The following HRH1 variants were observed in gnomAD, a reference collection of about 807,000 sequenced individuals.
The protein encoded by HRH1 is histamine receptor H1.
In HRH1, 6 loss-of-function variants were observed where a neutral mutation model predicts 10.3. The ratio of observed to expected loss-of-function variants is 0.58; its 90% CI spans 0.32 to 1.15. HRH1 has a LOEUF of 1.15. Among genes scored for constraint, HRH1 ranks in the 50% most tolerant of loss-of-function variants. The pLI is 0.05. For missense variants in HRH1, 514 were observed against 615.3 expected (o/e 0.84, Z 1.74); for synonymous variants, 242 against 236.7 (o/e 1.02, Z -0.21).
chr3:11,192,890 C>T (rs1158208345), intron 1 of HRH1, among the ~76,000 whole-genome samples: 1 of 152,128 alleles, frequency 6.6e-6, no homozygotes, highest in Non-Finnish European at 1.5e-5. Context: ...TTGGGTTCAT[C>T]TCTCCCAGGG....
intron 1 of HRH1, among the ~76,000 whole-genome samples, chr3:11,238,696 C>A (rs147081087): frequency 1.3e-5 from 2 of 152,172 alleles, no homozygotes; most frequent in Non-Finnish European, 2.9e-5. Flanking sequence ...TCCTGTCCCC[C>A]CCTCCACTAC....
intron 1 of HRH1, among the ~76,000 whole-genome samples, chr3:11,200,807 G>A (rs1937874913): frequency 6.6e-6 from 1 of 152,128 alleles, no homozygotes; most frequent in Admixed American, 6.5e-5. Flanking sequence ...CTGCTCTGGG[G>A]CTCAGCTCCT....
At chr3:11,138,599 C>T (rs1379286741) in intron 1 of HRH1, among the ~76,000 whole-genome samples, 1 of 152,046 alleles carries the variant, frequency 6.6e-6, no homozygotes, top group Non-Finnish European at 1.5e-5. Context: ...AAAAGTTAAT[C>T]GTGGGATTAC....
At chr3:11,256,892 A>G (rs746897471) in intron 1 of HRH1, among the ~76,000 whole-genome samples, 1 of 152,226 alleles carries the variant, frequency 6.6e-6, no homozygotes, top group Non-Finnish European at 1.5e-5. Flanking sequence ...AATTATTGAG[A>G]GAAATTTACT....
At chr3:11,149,288 T>C (rs967889528) in intron 1 of HRH1, among the ~76,000 whole-genome samples, 1 of 152,244 alleles carries the variant, frequency 6.6e-6, no homozygotes, top group African/African-American at 2.4e-5. Context: ...GCTCTTTCTC[T>C]ATTTCTTCTG....
intron 1 of HRH1, among the ~76,000 whole-genome samples, chr3:11,217,693 C>CATTGCTGA (rs1373687528): frequency 2.0e-5 from 3 of 152,154 alleles, no homozygotes; most frequent in African/African-American, 4.8e-5. Flanking sequence ...GATCTGTACA[C>CATTGCTGA]TTTAAAATGG....
rs747059060 is a variant in HRH1 at position 11,259,942 on chromosome 3, G to T, written c.905G>T (p.Cys302Phe). Residue 302 changes from cysteine to phenylalanine, a missense_variant, in exon 2 of 2, where the codon TGC (cysteine) becomes TTC (phenylalanine). Physicochemically the swap from Cys to Phe is radical, Grantham distance 205. Coordinates refer to ENST00000431010, the MANE Select transcript of HRH1 (RefSeq NM_001098212.2). This position sits in a 1 kb window ranked among gnomAD's most constrained non-coding sequence, Gnocchi z 4.6. ...GATAGAGAAGTAGACAAACTCTACTGCTTTCCACTTGATATTGTGCACATG... is the reference window on the plus strand; with the variant it reads ...GATAGAGAAGTAGACAAACTCTACTTCTTTCCACTTGATATTGTGCACATG... ...EDDREVDKLYCFPLDIVHMQA... is the reference protein window; with the variant it reads ...EDDREVDKLYFFPLDIVHMQA... 6.2e-7 allele frequency: 1 copy of T among 1,614,186 alleles called. No individual in the cohort carries two copies. The highest frequency in any genetic ancestry group is 8.5e-7 in the Non-Finnish European group (1 of 1,180,014).
chr3:11,186,414 G>A (rs532446446), intron 1 of HRH1, among the ~76,000 whole-genome samples: 1 of 152,308 alleles, frequency 6.6e-6, no homozygotes, highest in Admixed American at 6.5e-5. Context: ...AGTATCAGAT[G>A]AGTGGATCCT....
intron 1 of HRH1, among the ~76,000 whole-genome samples, chr3:11,164,057 T>TTGAATGAA (rs60430122): frequency 1.6e-4 from 25 of 152,110 alleles, no homozygotes; most frequent in African/African-American, 3.1e-4. Flanking sequence ...GAGATACTTG[T>TTGAATGAA]TGAATGAATG....
At chr3:11,150,225 T>G (rs1482898268), upstream of HRH1, among the ~76,000 whole-genome samples, 1 of 152,278 alleles carries the variant, frequency 6.6e-6, no homozygotes, top group East Asian at 1.9e-4. Flanking sequence ...ACCACAGCTC[T>G]GGAGCTGAAA....
chr3:11,221,124 C>T (rs1455099181), intron 1 of HRH1, among the ~76,000 whole-genome samples: 6 of 152,184 alleles, frequency 3.9e-5, no homozygotes, highest in Admixed American at 2.0e-4. Flanking sequence ...ATTCAGTCTA[C>T]CATGAATTCC....
At chr3:11,139,777 T>C (rs1399195844) in intron 1 of HRH1, among the ~76,000 whole-genome samples, 1 of 152,110 alleles carries the variant, frequency 6.6e-6, no homozygotes, top group Non-Finnish European at 1.5e-5. Flanking sequence ...CAGCAAATTA[T>C]AGAACTCCAT....
Position 11,260,087 on chromosome 3 carries a change from G to A in HRH1, c.1050G>A (p.Gln350=). 1 of 1,614,142 alleles carries A rather than the reference G, an allele frequency of 6.2e-7. No homozygotes were observed. Among genetic ancestry groups the A allele is most frequent in the East Asian group, 2.2e-5 (1 of 44,882 alleles). ...GGGCCAGCGAGATATCAGAGGATCA[G>A]ATGTTAGGTGATAGCCAATCCTTCT... ...THGASEISED[Q]MLGDSQSFSR... is the part of the protein sequence containing the mutation. The change falls in exon 2 of 2, where the codon CAG becomes CAA. Residue 350 remains glutamine (Q), a synonymous_variant. Transcript: ENST00000431010.
intron 1 of HRH1, among the ~76,000 whole-genome samples, chr3:11,180,678 A>G (rs578144001): frequency 6.6e-6 from 1 of 152,230 alleles, no homozygotes; most frequent in South Asian, 2.1e-4. Flanking sequence ...CCTGTTGTGG[A>G]CATTTCATAC....
In HRH1 at chr3:11,262,811, G is replaced by C. The variant is rs1166983290; in HGVS notation, c.*2310G>C. ...TAAATATAAATTACCAGCGTCTAAG[G>C]AACAAGGTCTATGCATTATTGTATA... On this transcript the variant is annotated 3_prime_UTR_variant, in exon 2 of 2. Transcript: ENST00000431010. The C allele has an allele frequency of 1.8e-5, 3 of 167,102 alleles. No individual in the cohort carries two copies. Among genetic ancestry groups the C allele is most frequent in the Non-Finnish European group, 4.4e-5 (3 of 68,128 alleles). The allele number at this position is 167,102 out of a possible 1,614,324, so 10.4% of individuals were successfully genotyped here.
intron 1 of HRH1, among the ~76,000 whole-genome samples, chr3:11,155,708 G>C (rs1043353608): frequency 1.3e-5 from 2 of 152,116 alleles, no homozygotes; most frequent in African/African-American, 4.8e-5. Flanking sequence ...ATGATTGCGG[G>C]GCCAGAAACC....
chr3:11,223,337 C>CAA (rs11323741), intron 1 of HRH1, among the ~76,000 whole-genome samples: 2 of 145,776 alleles, frequency 1.4e-5, no homozygotes, highest in South Asian at 4.3e-4. Context: ...ACTAAAAATA[C>CAA]AAAAAAAAAA....
upstream of HRH1, among the ~76,000 whole-genome samples, chr3:11,152,689 T>A (rs115493668): frequency 3.4e-3 from 499 of 147,658 alleles, 1 homozygote; most frequent in African/African-American, 0.012. Context: ...AGAGGAAATG[T>A]ATTTCCTTTA....
intron 1 of HRH1, among the ~76,000 whole-genome samples, chr3:11,235,620 C>CA (rs759349176): frequency 3.9e-5 from 6 of 152,240 alleles, no homozygotes; most frequent in Non-Finnish European, 7.3e-5. Flanking sequence ...CAGGGCTTGT[C>CA]ACCACCTGAC....
Sources: gnomAD v4.1 joint callset for allele counts (sites outside exome capture counted in the v4.1 genomes callset) on GRCh38, gnomAD v4.1.1 for gene constraint, Gnocchi (gnomAD v3.1) non-coding constraint, MANE v1.5 for transcripts, NCBI Gene and HGNC (gene_info 2026-07-23, HGNC 2026-07-21) for gene names.